Variants in DDC observed in about 807,000 individuals in gnomAD.
The protein encoded by DDC is aromatic-L-amino-acid decarboxylase.
DDC carries 43 observed loss-of-function variants against 60.0 expected under a neutral mutation model. The ratio of observed to expected loss-of-function variants is 0.72; its 90% CI spans 0.56 to 0.92. The LOEUF is 0.92. Among genes scored for constraint, DDC ranks in the 40% least tolerant of loss-of-function variants. The pLI, the probability that DDC is intolerant of heterozygous loss-of-function variation, is 0.00. For synonymous variants in DDC, 232 were observed against 234.6 expected, an observed-to-expected ratio of 0.99 and a Z score of 0.10; for missense variants, 573 against 620.2, an observed-to-expected ratio of 0.92 and a Z score of 0.81.
intron 9 of DDC, among the ~76,000 whole-genome samples, chr7:50,482,948 T>C (rs909461363): frequency 1.3e-5 from 2 of 152,196 alleles, no homozygotes; most frequent in African/African-American, 4.8e-5. Context: ...TTACATCATC[T>C]GACAATGAGA....
chr7:50,563,574 A>G (rs2045382568), intron 1 of DDC, among the ~76,000 whole-genome samples: 1 of 152,162 alleles, frequency 6.6e-6, no homozygotes, highest in African/African-American at 2.4e-5. Context: ...TATTCTTGGC[A>G]GAGTAAAACT....
At chr7:50,549,569 G>T (rs2044914425) in intron 1 of DDC, among the ~76,000 whole-genome samples, 1 of 151,712 alleles carries the variant, frequency 6.6e-6, no homozygotes. Flanking sequence ...CAACAGAATG[G>T]CATGAACCTG....
At chr7:50,467,484 G>T (rs1256925775) in intron 12 of DDC, among the ~76,000 whole-genome samples, 169 bp from the exon 13 acceptor site, 1 of 152,234 alleles carries the variant, frequency 6.6e-6, no homozygotes, top group Non-Finnish European at 1.5e-5. Context: ...GGCAGGCTAA[G>T]AAACTCATTC....
intron 4 of DDC, among the ~76,000 whole-genome samples, chr7:50,533,165 A>C (rs1434285910): frequency 6.6e-6 from 1 of 152,234 alleles, no homozygotes; most frequent in East Asian, 1.9e-4. Flanking sequence ...CCATATGCGT[A>C]GTATCATTTC....
At chr7:50,485,020 C>T (rs11575442) in intron 9 of DDC, among the ~76,000 whole-genome samples, 14,467 of 152,114 alleles carry the variant, frequency 0.095, 1,065 homozygotes, top group South Asian at 0.12. Context: ...CAAGTCTCAA[C>T]GATTACTAGA....
At position 50,544,034 on chromosome 7, in the gene DDC, C is replaced by T. The variant is rs1351341672; in HGVS notation, c.52G>A (p.Ala18Thr). Residue 18 changes from alanine (A) to threonine (T), a missense_variant, in exon 2 of 15, where the codon GCC (alanine) becomes ACC (threonine). By Grantham distance (58) the Ala-to-Thr change is moderately conservative (BLOSUM62 0). Transcript: ENST00000444124. Reference sequence around the variant, plus strand: ...CCCTCAATGCCTTCCATGTAGTTGGCCATGTAATCCACCATCTCCTTCCCT... The same window carrying T: ...CCCTCAATGCCTTCCATGTAGTTGGTCATGTAATCCACCATCTCCTTCCCT... Reference protein sequence around the residue: ...RRGKEMVDYMANYMEGIEGRQ... With the variant: ...RRGKEMVDYMTNYMEGIEGRQ... 1.2e-5 allele frequency: 20 copies of T among 1,614,176 alleles called. No homozygotes were observed. Among genetic ancestry groups the T allele is most frequent in the Non-Finnish European group, 1.7e-5 (20 of 1,180,010 alleles).
At chr7:50,461,053 AAAAAT>A (rs2042262313) in intron 14 of DDC, among the ~76,000 whole-genome samples, 1 of 151,496 alleles carries the variant, frequency 6.6e-6, no homozygotes, top group African/African-American at 2.4e-5. Context: ...CAATAAAAAA[AAAAAT>A]AAATAAATAA....
intron 3 of DDC, among the ~76,000 whole-genome samples, chr7:50,539,516 GC>G (rs762533250): frequency 6.6e-6 from 1 of 152,296 alleles, no homozygotes; most frequent in Non-Finnish European, 1.5e-5. Context: ...CCAGGCAGCA[GC>G]CCTGGTGGAG....
At chr7:50,565,192 G>C (rs2045401607) in intron 1 of DDC, 93 bp downstream of exon 1, 2 of 152,244 alleles carry the variant, frequency 1.3e-5, no homozygotes, top group African/African-American at 4.8e-5. Context: ...TAACCTTTAA[G>C]CAAATGTTCA....
intron 6 of DDC, chr7:50,527,891 G>A (rs751315229): frequency 5.3e-5 from 22 of 414,232 alleles, no homozygotes; most frequent in Non-Finnish European, 9.4e-5. Context: ...GGTAAAAAGC[G>A]TTTCTCAAAG....
At chr7:50,510,667 T>TG (rs2043534111) in intron 6 of DDC, among the ~76,000 whole-genome samples, 3 of 52,278 alleles carry the variant, frequency 5.7e-5, no homozygotes, top group African/African-American at 2.6e-4. Flanking sequence ...AGACTCCATC[T>TG]CAAAAAAAAA....
At chr7:50,464,622 C>T (rs2042354999) in intron 13 of DDC, among the ~76,000 whole-genome samples, 1 of 152,176 alleles carries the variant, frequency 6.6e-6, no homozygotes, top group Non-Finnish European at 1.5e-5. Context: ...TTCAAACAGA[C>T]TGGATAGGGC....
rs1288457534 is a variant in DDC at position 50,543,957 on chromosome 7, A to G, written c.129T>C (p.Pro43=). 3.1e-6 allele frequency: 5 copies of G among 1,614,044 alleles called. 1 individual carries two copies. In the African/African-American group the frequency reaches 4.0e-5, roughly 13 times the overall value. ...TGTCTGGCTCCTGAGGGGCAGCGGCAGGGATCAGCGGCCGCAGGTACCCGG... is the reference window on the plus strand; with the variant it reads ...TGTCTGGCTCCTGAGGGGCAGCGGCGGGGATCAGCGGCCGCAGGTACCCGG... ...VEPGYLRPLI[P]AAAPQEPDTF... Residue 43 remains proline (P), a synonymous_variant, in exon 2 of 15, where the codon CCT becomes CCC. Coordinates refer to ENST00000444124, the MANE Select transcript of DDC (RefSeq NM_001082971.2).
At position 50,535,233 on chromosome 7, in the gene DDC, G is replaced by A. The variant is rs75571788; in HGVS notation, c.435+2627C>T. 4.6e-5 allele frequency among the ~76,000 whole-genome samples: 7 copies of A among 151,346 alleles called. No homozygotes were observed. The East Asian group carries it at 9.7e-4, about 21-fold the overall frequency. On this transcript the variant is annotated intron_variant, in intron 4 of 14. Coordinates refer to ENST00000444124, the MANE Select transcript of DDC (RefSeq NM_001082971.2). ...GTGCAATGGCAAGGTCTTGGCTCAC[G>A]GCAACCTCTGCCTCCCAGGTTCAAG... is the stretch of plus-strand genomic sequence containing the variant.
intron 6 of DDC, among the ~76,000 whole-genome samples, chr7:50,505,855 G>A (rs114151673): frequency 0.012 from 1,806 of 152,376 alleles, 33 homozygotes; most frequent in African/African-American, 0.042. Flanking sequence ...ACCCTCAGGC[G>A]CAGGAGGGGC....
chr7:50,554,243 T>C (rs6962356), intron 1 of DDC, among the ~76,000 whole-genome samples: 60,316 of 151,856 alleles, frequency 0.4, 12,206 homozygotes, highest in East Asian at 0.52. Context: ...AATGAGATGA[T>C]GGGGTGAGAG....
intron 6 of DDC, among the ~76,000 whole-genome samples, chr7:50,524,806 C>A (rs1051054882): frequency 5.9e-5 from 9 of 152,104 alleles, no homozygotes. Context: ...ACCATAGGAC[C>A]CTTAATTGCA....
At chr7:50,525,549 C>T (rs962237022) in intron 6 of DDC, among the ~76,000 whole-genome samples, 8 of 152,062 alleles carry the variant, frequency 5.3e-5, no homozygotes, top group Non-Finnish European at 1.0e-4. Context: ...AGATCACCTG[C>T]AGTCAGGGGT....
At chr7:50,477,727 A>C in intron 10 of DDC, 1 of 327,310 alleles carries the variant, frequency 3.1e-6, no homozygotes. Flanking sequence ...TGGAAGCCCA[A>C]AGTCATACAG....
Sources: allele counts gnomAD v4.1 joint callset (sites outside exome capture counted in the v4.1 genomes callset), GRCh38; gene constraint gnomAD v4.1.1; transcripts MANE v1.5; gene names NCBI Gene and HGNC (gene_info 2026-07-23, HGNC 2026-07-21).